Variants in PIAS1 observed in about 807,000 individuals in gnomAD.
PIAS1 encodes E3 SUMO-protein ligase PIAS1.
PIAS1 carries 6 observed loss-of-function variants against 71.3 expected under a neutral mutation model. The ratio of observed to expected loss-of-function variants is 0.08; its 90% confidence interval spans 0.05 to 0.17. PIAS1 has a LOEUF of 0.17. Among genes scored for constraint, PIAS1 ranks in the 10% least tolerant of loss-of-function variants. The probability of loss-of-function intolerance (pLI) is 1.00; values close to 1 mark genes in which losing one functional copy is unlikely to be tolerated. For synonymous variants in PIAS1, 303 were observed against 292.9 expected (o/e 1.03, Z -0.35); for missense variants, 555 against 793.6 (o/e 0.70, Z 3.61).
At chr15:68,134,680 ACCTC>A (rs2092710452) in intron 2 of PIAS1, among the ~76,000 whole-genome samples, 1 of 22,240 alleles carries the variant, frequency 4.5e-5, no homozygotes, top group South Asian at 1.4e-3. Flanking sequence ...TGACCCCCCC[ACCTC>A]CCTCCCGGAA....
chr15:68,172,090 T>A (rs1595787854), intron 8 of PIAS1, among the ~76,000 whole-genome samples: 1 of 136,922 alleles, frequency 7.3e-6, no homozygotes, highest in Admixed American at 7.4e-5. Context: ...CAGGCCCTGG[T>A]GTGTGATGTT....
At chr15:68,149,652 T>G (rs2092832319) in intron 6 of PIAS1, among the ~76,000 whole-genome samples, 1 of 152,160 alleles carries the variant, frequency 6.6e-6, no homozygotes, top group Non-Finnish European at 1.5e-5. Flanking sequence ...TGTTATATTT[T>G]CAAAGTATTT....
At chr15:68,078,825 A>G (rs2092197691) in intron 1 of PIAS1, among the ~76,000 whole-genome samples, 1 of 152,214 alleles carries the variant, frequency 6.6e-6, no homozygotes, top group South Asian at 2.1e-4. Context: ...TATTTAATAC[A>G]TATTATGTTT....
At chr15:68,120,565 G>A (rs1347614699) in intron 2 of PIAS1, among the ~76,000 whole-genome samples, 2 of 152,088 alleles carry the variant, frequency 1.3e-5, no homozygotes, top group Non-Finnish European at 2.9e-5. Context: ...TACTTCAGGT[G>A]ACATTTTACC....
At chr15:68,182,490 CGTGTGTGTGTGT>C (rs67774530) in intron 12 of PIAS1, among the ~76,000 whole-genome samples, 2 of 123,280 alleles carry the variant, frequency 1.6e-5, no homozygotes, top group Non-Finnish European at 1.7e-5. Flanking sequence ...GCTCAGGCTG[CGTGTGTGTGTGT>C]GTGTGTGTGT....
At chr15:68,176,702 T>C (rs1471350760) in intron 11 of PIAS1, 48 bp downstream of exon 11, 2 of 1,293,940 alleles carry the variant, frequency 1.5e-6, no homozygotes, top group Non-Finnish European at 2.1e-6. Flanking sequence ...AAAATTAACT[T>C]GGCAAATAGG....
chr15:68,064,571 A>T (rs1442614707), intron 1 of PIAS1, among the ~76,000 whole-genome samples: 1 of 152,250 alleles, frequency 6.6e-6, no homozygotes, highest in Non-Finnish European at 1.5e-5. Flanking sequence ...ACGGTTTCAG[A>T]TTCCTGCGTT....
At chr15:68,110,774 T>C (rs1173883574) in intron 2 of PIAS1, among the ~76,000 whole-genome samples, 1 of 152,136 alleles carries the variant, frequency 6.6e-6, no homozygotes, top group African/African-American at 2.4e-5. Context: ...CAATAAATTC[T>C]ATGTAGTTGC....
In PIAS1 at chr15:68,086,228, G is replaced by A. The variant is rs1389366971; in HGVS notation, c.25-78G>A. ...TGCTTAAGTAAACCATAAGAAGGGG[G>A]TTATAATAAAGTGTCATTTAATAGT... On this transcript the variant is annotated intron_variant, in intron 1 of 13. Transcript: ENST00000249636. The surrounding 1 kb of genome is among the most constrained non-coding windows in gnomAD (Gnocchi z 7.2). 1.0e-6 allele frequency: 1 copy of A among 969,642 alleles called. No homozygotes were observed. The highest frequency in any genetic ancestry group is 1.5e-6 in the Non-Finnish European group (1 of 662,774). The allele number at this position is 969,642 out of a possible 1,614,324, so 60.1% of individuals were successfully genotyped here. A position where few individuals can be genotyped will look rare whatever the true frequency, so the allele number is the denominator to read the frequency against.
chr15:68,127,240 T>C lies in PIAS1; in HGVS notation c.470-14706T>C, dbSNP rs547799767. ...CGCCTGGTCATTTTTTAAACCTGAA[T>C]GTGACATCAAGCTTTATAGACCCAG... On this transcript the variant is annotated intron_variant, in intron 2 of 13. Coordinates refer to ENST00000249636, the MANE Select transcript of PIAS1 (RefSeq NM_016166.3). 3.9e-5 allele frequency among the ~76,000 whole-genome samples: 6 copies of C among 152,302 alleles called. No individual in the cohort carries two copies. The South Asian group carries it at 1.0e-3, about 26-fold the overall frequency.
At chr15:68,131,755 T>C (rs1287063013) in intron 2 of PIAS1, among the ~76,000 whole-genome samples, 1 of 152,236 alleles carries the variant, frequency 6.6e-6, no homozygotes, top group Non-Finnish European at 1.5e-5. Flanking sequence ...TCCATTCATC[T>C]GTTGATGAAC....
intron 2 of PIAS1, among the ~76,000 whole-genome samples, chr15:68,131,856 T>C (rs2092689696): frequency 6.6e-6 from 1 of 152,006 alleles, no homozygotes; most frequent in Non-Finnish European, 1.5e-5. Flanking sequence ...TTTCGAATCT[T>C]TTGGGTAAAT....
In PIAS1 at chr15:68,192,499, G is replaced by T. The variant is rs1435806979; in HGVS notation, c.*4664G>T. The T allele has an allele frequency of 6.6e-6, 1 of 152,084 alleles. No homozygotes were observed. The highest frequency in any genetic ancestry group is 1.5e-5 in the Non-Finnish European group (1 of 68,070). The allele number at this position is 152,084 out of a possible 1,614,324, so 9.4% of individuals were successfully genotyped here. A position where few individuals can be genotyped will look rare whatever the true frequency, so the allele number is the denominator to read the frequency against. On this transcript the variant is annotated 3_prime_UTR_variant, in exon 14 of 14. Transcript: ENST00000249636. ...CACAACTTCACCTAGTTGGCATTTG[G>T]GCCATTTATTTACCCTCACCCCACA...
intron 2 of PIAS1, chr15:68,087,752 C>G (rs2092296260): frequency 2.9e-5 from 9 of 312,522 alleles, no homozygotes; most frequent in South Asian, 2.0e-4. Context: ...GTGTTGAGAA[C>G]ATTTTTTGCG....
Position 68,141,928 on chromosome 15 carries a change from A to G in PIAS1, c.470-18A>G, listed in dbSNP as rs2141047330. On this transcript the variant is annotated intron_variant, in intron 2 of 13. Transcript: ENST00000249636. ...CGAATTTAAAGGTAATTGAAAGTAT[A>G]ATTCTTGTCTTCTTTAGCATCAGAC... is the stretch of plus-strand genomic sequence containing the variant. The G allele has an allele frequency of 1.3e-6, 2 of 1,553,728 alleles. No individual in the cohort carries two copies. The highest frequency in any genetic ancestry group is 2.3e-5 in the East Asian group (1 of 43,566).
chr15:68,164,808 A>G lies in PIAS1; in HGVS notation c.1008+4A>G. 1 of 1,513,882 alleles carries G rather than the reference A, an allele frequency of 6.6e-7. No individual in the cohort carries two copies. The highest frequency in any genetic ancestry group is 1.2e-5 in the South Asian group (1 of 83,848). The allele number at this position is 1,513,882 out of a possible 1,614,324, so 93.8% of individuals were successfully genotyped here. Reference sequence around the variant, plus strand: ...AAGGGTTTCTCTACTATGTCCAGTAAGTGTTAACTATTACTTGCTTTCCAG... The same window carrying G: ...AAGGGTTTCTCTACTATGTCCAGTAGGTGTTAACTATTACTTGCTTTCCAG... On this transcript the variant is annotated splice_donor_region_variant and intron_variant, in intron 8 of 13. Transcript: ENST00000249636.
intron 1 of PIAS1, among the ~76,000 whole-genome samples, chr15:68,072,474 T>C (rs1403787910): frequency 4.0e-5 from 6 of 149,640 alleles, no homozygotes; most frequent in African/African-American, 1.5e-4. Context: ...ATTTTCCACA[T>C]TGAAACTATG....
At chr15:68,098,209 G>C (rs1271994089) in intron 2 of PIAS1, among the ~76,000 whole-genome samples, 1 of 152,134 alleles carries the variant, frequency 6.6e-6, no homozygotes, top group Admixed American at 6.5e-5. Context: ...TTTACCAGAA[G>C]CCTTACCAAT....
intron 6 of PIAS1, among the ~76,000 whole-genome samples, chr15:68,147,147 G>A (rs2092813282): frequency 6.6e-6 from 1 of 152,166 alleles, no homozygotes; most frequent in African/African-American, 2.4e-5. Flanking sequence ...GGATTGCTGA[G>A]TCAAAGAGCC....
Sources: allele counts gnomAD v4.1 joint callset (sites outside exome capture counted in the v4.1 genomes callset), GRCh38; gene constraint gnomAD v4.1.1; non-coding constraint Gnocchi (gnomAD v3.1); transcripts MANE v1.5; gene names NCBI Gene and HGNC (gene_info 2026-07-23, HGNC 2026-07-21).